The following SUZ12 variants were observed in gnomAD, a reference collection of about 807,000 sequenced individuals.
SUZ12 encodes polycomb protein SUZ12.
Under a neutral mutation model 87.3 loss-of-function variants are expected in SUZ12, and 17 were observed. The ratio of observed to expected loss-of-function variants is 0.19; its 90% CI spans 0.13 to 0.29. SUZ12 has a LOEUF of 0.29. Ranked by LOEUF, SUZ12 falls within the 10% of genes least tolerant of loss-of-function variation. SUZ12 has a pLI of 1.00. For synonymous variants in SUZ12, 253 were observed against 312.4 expected, an observed-to-expected ratio of 0.81 and a Z score of 2.01; for missense variants, 526 against 912.2, an observed-to-expected ratio of 0.58 and a Z score of 5.45.
At chr17:31,945,486 C>T (rs1456959467) in intron 3 of SUZ12, among the ~76,000 whole-genome samples, 3 of 152,094 alleles carry the variant, frequency 2.0e-5, no homozygotes, top group South Asian at 2.1e-4. Flanking sequence ...TGCTAGATTT[C>T]GTGTGAGCTG....
chr17:31,961,927 A>T (rs56372410), intron 4 of SUZ12, among the ~76,000 whole-genome samples: 2 of 143,242 alleles, frequency 1.4e-5, no homozygotes, highest in Non-Finnish European at 3.0e-5. Flanking sequence ...CTAGGAGGAC[A>T]TTATCTTATG....
intron 3 of SUZ12, among the ~76,000 whole-genome samples, chr17:31,945,083 AAG>A (rs1906550554): frequency 1.4e-5 from 2 of 145,884 alleles, no homozygotes; most frequent in African/African-American, 5.2e-5. Context: ...AAAAAAAAAA[AAG>A]TATGGGAATC....
intron 5 of SUZ12, among the ~76,000 whole-genome samples, chr17:31,968,739 CTGACGTG>C (rs1908239035): frequency 6.6e-6 from 1 of 152,076 alleles, no homozygotes; most frequent in South Asian, 2.1e-4. Flanking sequence ...TGTGGTACTT[CTGACGTG>C]TCTAGACTTT....
Position 32,000,837 on chromosome 17 carries a change from C to T in SUZ12, c.*1834C>T. The T allele has an allele frequency of 4.4e-6, 1 of 226,240 alleles. No individual in the cohort carries two copies. Among genetic ancestry groups the T allele is most frequent in the Non-Finnish European group, 8.8e-6 (1 of 113,550 alleles). 14.0% of individuals were successfully genotyped at this position (226,240 alleles called of 1,614,324 possible). A position where few individuals can be genotyped will look rare whatever the true frequency, so the allele number is the denominator to read the frequency against. On this transcript the variant is annotated 3_prime_UTR_variant, in exon 16 of 16. Coordinates refer to ENST00000322652, the MANE Select transcript of SUZ12 (RefSeq NM_015355.4). Reference sequence around the variant, plus strand: ...GTCATCGTAAAAGCTGAAAAAATCCCTTTGTTTCTATTTATAAAAAAAGTG... The same window carrying T: ...GTCATCGTAAAAGCTGAAAAAATCCTTTTGTTTCTATTTATAAAAAAAGTG...
At chr17:31,992,256 C>T (rs1359025301) in intron 10 of SUZ12, among the ~76,000 whole-genome samples, 1 of 152,070 alleles carries the variant, frequency 6.6e-6, no homozygotes, top group African/African-American at 2.4e-5. Flanking sequence ...TGTGCCACTG[C>T]ACGCCAGCCT....
At chr17:31,951,865 C>A (rs1214792842) in intron 4 of SUZ12, among the ~76,000 whole-genome samples, 8 of 151,494 alleles carry the variant, frequency 5.3e-5, no homozygotes, top group Admixed American at 4.0e-4. Context: ...ACCTCTGTCC[C>A]CCAGGTTCAA....
intron 5 of SUZ12, among the ~76,000 whole-genome samples, chr17:31,970,385 T>C (rs547856105): frequency 6.6e-6 from 1 of 152,240 alleles, no homozygotes; most frequent in East Asian, 1.9e-4. Context: ...CCCAGCACTT[T>C]GGGAGGCCGA....
chr17:31,947,765 C>T (rs1906719754), intron 4 of SUZ12, 80 bp downstream of exon 4: 1 of 1,396,812 alleles, frequency 7.2e-7, no homozygotes, highest in Non-Finnish European at 9.6e-7. Context: ...TCCTAGTGAT[C>T]ACCTTGATAT....
chr17:31,995,818 A>G, intron 14 of SUZ12, 56 bp downstream of exon 14: 1 of 1,331,696 alleles, frequency 7.5e-7, no homozygotes, highest in East Asian at 2.5e-5. Flanking sequence ...TGTTTTGAAA[A>G]TTGCTTACTA....
At chr17:31,961,764 T>A (rs763132137) in intron 4 of SUZ12, among the ~76,000 whole-genome samples, 4 of 152,234 alleles carry the variant, frequency 2.6e-5, no homozygotes, top group Non-Finnish European at 5.9e-5. Flanking sequence ...TAACACTGAT[T>A]TAAAATATTC....
At chr17:31,982,852 G>T in intron 8 of SUZ12, 147 bp from the exon 9 acceptor site, 1 of 1,104,562 alleles carries the variant, frequency 9.1e-7, no homozygotes, top group Non-Finnish European at 1.3e-6. Context: ...CAGGACTGGA[G>T]TGTAGCTGTA....
intron 8 of SUZ12, among the ~76,000 whole-genome samples, chr17:31,982,191 C>T (rs1041141048): frequency 4.6e-5 from 7 of 152,104 alleles, no homozygotes; most frequent in Non-Finnish European, 7.4e-5. Flanking sequence ...CCTATATGTG[C>T]CAGGTGCCCC....
At chr17:31,939,672 C>T (rs1293154281) in intron 1 of SUZ12, among the ~76,000 whole-genome samples, 3 of 151,960 alleles carry the variant, frequency 2.0e-5, no homozygotes, top group South Asian at 2.1e-4. Context: ...TACAGGCATG[C>T]GCCGCCCCTA....
intron 3 of SUZ12, 152 bp from the exon 4 acceptor site, chr17:31,947,465 G>C (rs1906701863): frequency 1.0e-6 from 1 of 998,894 alleles, no homozygotes; most frequent in East Asian, 2.8e-5. Flanking sequence ...CGTCTCCATA[G>C]TATTCATTGT....
At chr17:31,962,408 T>G (rs1217565289) in intron 4 of SUZ12, among the ~76,000 whole-genome samples, 2 of 152,156 alleles carry the variant, frequency 1.3e-5, no homozygotes, top group Non-Finnish European at 2.9e-5. Flanking sequence ...CTGGGTAACA[T>G]GGCAAAATCC....
At chr17:31,938,344 G>T (rs1906064182) in intron 1 of SUZ12, among the ~76,000 whole-genome samples, 1 of 152,124 alleles carries the variant, frequency 6.6e-6, no homozygotes, top group Non-Finnish European at 1.5e-5. Context: ...GTTATAATTT[G>T]GGTGATCTTT....
intron 4 of SUZ12, among the ~76,000 whole-genome samples, chr17:31,955,347 T>C (rs1183776344): frequency 1.3e-5 from 2 of 152,088 alleles, no homozygotes; most frequent in Non-Finnish European, 2.9e-5. Flanking sequence ...AATTGTGCGA[T>C]CATGACTCAC....
intron 3 of SUZ12, among the ~76,000 whole-genome samples, chr17:31,942,530 T>G (rs2142120996): frequency 6.6e-6 from 1 of 151,944 alleles, no homozygotes; most frequent in African/African-American, 2.4e-5. Context: ...GAAGTTGGGG[T>G]TTTACCATTT....
intron 1 of SUZ12, 100 bp downstream of exon 1, chr17:31,937,620 T>C (rs1906020057): frequency 1.4e-6 from 2 of 1,463,008 alleles, no homozygotes; most frequent in Admixed American, 2.1e-5. Flanking sequence ...AGTCCACTTG[T>C]GTGGTAGTGG....
Sources: allele counts gnomAD v4.1 joint callset (sites outside exome capture counted in the v4.1 genomes callset), GRCh38; gene constraint gnomAD v4.1.1; transcripts MANE v1.5; gene names NCBI Gene and HGNC (gene_info 2026-07-23, HGNC 2026-07-21).